Variants in SNRPN observed in about 807,000 individuals in gnomAD.
The protein encoded by SNRPN is small nuclear ribonucleoprotein-associated protein N.
In SNRPN, 7 loss-of-function variants were observed where a neutral mutation model predicts 25.2. That is an observed-to-expected ratio of 0.28 (90% confidence interval 0.16 to 0.52). The LOEUF is 0.52. Ranked by LOEUF, SNRPN falls within the 20% of genes least tolerant of loss-of-function variation. SNRPN has a pLI of 0.96. For missense variants in SNRPN, 196 were observed against 322.5 expected (o/e 0.61, Z 3.00); for synonymous variants, 124 against 110.6 (o/e 1.12, Z -0.76).
intron 2 of SNRPN, among the ~76,000 whole-genome samples, chr15:24,899,515 T>C (rs1314366345): frequency 2.6e-5 from 4 of 152,232 alleles, no homozygotes; most frequent in Non-Finnish European, 5.9e-5. Flanking sequence ...ATAGCATGCA[T>C]GCCTTTCTCC....
chr15:24,895,626 T>C (rs2058040197), intron 2 of SNRPN, among the ~76,000 whole-genome samples: 1 of 152,132 alleles, frequency 6.6e-6, no homozygotes, highest in Admixed American at 6.6e-5. Context: ...CATATCTGGC[T>C]CATGAGATAA....
intron 2 of SNRPN, chr15:24,909,283 G>C (rs1736437999): frequency 6.2e-7 from 1 of 1,601,326 alleles, no homozygotes; most frequent in Non-Finnish European, 8.5e-7. Flanking sequence ...CATAACCAGG[G>C]AATTGTTTGG....
At chr15:24,860,539 A>ACAAGT (rs1288668847) in intron 1 of SNRPN, among the ~76,000 whole-genome samples, 1 of 152,328 alleles carries the variant, frequency 6.6e-6, no homozygotes, top group East Asian at 1.9e-4. Flanking sequence ...TAAACCCATC[A>ACAAGT]CAAGTTAAAA....
intron 3 of SNRPN, among the ~76,000 whole-genome samples, chr15:24,972,996 T>C (rs1021998820): frequency 6.6e-6 from 1 of 152,164 alleles, no homozygotes; most frequent in Admixed American, 6.5e-5. Flanking sequence ...CAAGCGATTC[T>C]CCTGCCTCAG....
In SNRPN at chr15:24,962,229, G is replaced by A; in HGVS notation, c.-295+20G>A. 1 of 1,595,832 alleles carries A rather than the reference G, an allele frequency of 6.3e-7. No individual in the cohort carries two copies. The highest frequency in any genetic ancestry group is 8.6e-7 in the Non-Finnish European group (1 of 1,163,518). ...CCAAGAGTGAGTACAGACTGTGTTG[G>A]GAACAAATGCAAGTCAGAATCTCCT... On this transcript the variant is annotated intron_variant, in intron 2 of 9. Coordinates refer to ENST00000390687, the MANE Select transcript of SNRPN (RefSeq NM_003097.6).
chr15:24,848,559 T>G (rs2052485437), intron 2 of SNRPN: 1 of 152,206 alleles, frequency 6.6e-6, no homozygotes, highest in South Asian at 2.1e-4. Context: ...CTTTTTATAG[T>G]TATATAAACA....
chr15:24,934,700 C>T (rs773619350), intron 3 of SNRPN, among the ~76,000 whole-genome samples: 2 of 152,258 alleles, frequency 1.3e-5, no homozygotes, highest in South Asian at 2.1e-4. Context: ...GAAGCAGAGG[C>T]GTGTGCCTCC....
rs148329865 is a variant in SNRPN, at chr15:24,914,414, G to T, written c.-504-5597G>T. Among the ~76,000 whole-genome samples the T allele has an allele frequency of 3.7e-3, 568 of 152,192 alleles. 2 individuals carry two copies. The highest frequency in any genetic ancestry group is 0.013 in the African/African-American group (546 of 41,518). On this transcript the variant is annotated intron_variant, in intron 2 of 11. Transcript: ENST00000400097. ...ATACTCTGAATTCTTAAGAATCAAG[G>T]CCAGGTGTGGTGGCTTATGCCTGTA...
Position 24,863,823 on chromosome 15 carries a change from T to A in SNRPN, c.-579+7107T>A, listed in dbSNP as rs964725559. ...GACACATCTGCGTTCTGGAAACTAT[T>A]AAACTCTCAATACTCATTTGAAAAT... On this transcript the variant is annotated intron_variant, in intron 1 of 11. Transcript: ENST00000400097. Among the ~76,000 whole-genome samples, 18 of 150,720 alleles carry A rather than the reference T, an allele frequency of 1.2e-4. No individual in the cohort carries two copies. The East Asian group carries it at 2.5e-3, about 21-fold the overall frequency.
rs1481378884 is a variant in SNRPN, at chr15:24,847,600, C to T, written c.-579+17695C>T. ...GTTGTAGTGAGCCGAGATCGCGCCA[C>T]TGCACTCCAGCCTGGGTGATAGAGT... On this transcript the variant is annotated intron_variant, in intron 2 of 12. Coordinates refer to the SNRPN transcript ENST00000400100. Among the ~76,000 whole-genome samples the T allele has an allele frequency of 3.3e-5, 5 of 152,298 alleles. No homozygotes were observed. In the East Asian group the frequency reaches 9.7e-4, roughly 29 times the overall value.
intron 2 of SNRPN, among the ~76,000 whole-genome samples, chr15:24,919,540 G>A (rs1208797366): frequency 6.6e-6 from 1 of 152,220 alleles, no homozygotes; most frequent in East Asian, 1.9e-4. Context: ...TCCAAACAGC[G>A]TAGGCAAGCG....
At chr15:24,878,173 T>C (rs985199643) in intron 1 of SNRPN, among the ~76,000 whole-genome samples, 3 of 152,250 alleles carry the variant, frequency 2.0e-5, no homozygotes, top group Non-Finnish European at 4.4e-5. Flanking sequence ...TGTTAAGTTA[T>C]TCTTTAAAAC....
intron 1 of SNRPN, chr15:24,958,732 T>G (rs1200380961): frequency 6.5e-6 from 1 of 153,600 alleles, no homozygotes; most frequent in African/African-American, 2.4e-5. Context: ...ATTTTTTTGT[T>G]TTTAGGAGAC....
rs768904469 is a variant in SNRPN, at chr15:24,978,210, C to G, written c.577C>G (p.Pro193Ala). The G allele has an allele frequency of 1.2e-6, 2 of 1,613,974 alleles. No homozygotes were observed. The highest frequency in any genetic ancestry group is 2.2e-5 in the South Asian group (2 of 91,074). Residue 193 changes from proline (P) to alanine (A), a missense_variant, in exon 9 of 10, where the codon CCT becomes GCT. Physicochemically the swap from Pro to Ala is conservative, Grantham distance 27. Transcript: ENST00000390687. ...TPPPGIMAPP[P>A]GMRPPMGPPI... ...CACTGTAGGCATTATGGCTCCTCCA[C>G]CTGGTATGAGACCACCCATGGGCCC... is the stretch of plus-strand genomic sequence containing the variant.
chr15:24,941,595 C>T (rs2061560133), intron 3 of SNRPN, among the ~76,000 whole-genome samples: 1 of 152,100 alleles, frequency 6.6e-6, no homozygotes, highest in African/African-American at 2.4e-5. Context: ...TCCTGAAATA[C>T]CCTAAGGGAT....
rs1566921436 is a variant in SNRPN, at chr15:24,927,475, A to ATTTTTTTTTTTTTTTTTTTTTTTTTTTT, written c.-391+7351_-391+7352insTTTTTTTTTTTTTTTTTTTTTTTTTTTT. The stretch of plus-strand genomic sequence containing the variant: ...TTTCCCACTGCTTATAAAGTTTTTA[A>ATTTTTTTTTTTTTTTTTTTTTTTTTTTT]ATTTTTTTTTTTTTTTTTTTTTTTT... On this transcript the variant is annotated intron_variant, in intron 3 of 11. Transcript: ENST00000400097. Among the ~76,000 whole-genome samples the ATTTTTTTTTTTTTTTTTTTTTTTTTTTT allele has an allele frequency of 2.6e-5, 3 of 113,332 alleles. 1 individual carries two copies. Among genetic ancestry groups the ATTTTTTTTTTTTTTTTTTTTTTTTTTTT allele is most frequent in the Non-Finnish European group, 5.3e-5 (3 of 56,926 alleles). The allele number at this position is 113,332 out of a possible 152,430, so 74.4% of individuals were successfully genotyped here.
chr15:24,935,254 A>G (rs553346290), intron 3 of SNRPN, among the ~76,000 whole-genome samples: 87 of 151,554 alleles, frequency 5.7e-4, no homozygotes, highest in African/African-American at 2.1e-3. Context: ...CATGGGCAAC[A>G]GAGCGAGACT....
In SNRPN at chr15:24,978,305, A is replaced by G. The variant is rs2153722090; in HGVS notation, c.672A>G (p.Pro224=). The change falls in exon 9 of 10, where the codon CCA becomes CCG. Residue 224 remains proline, a synonymous_variant. Coordinates refer to ENST00000390687, the MANE Select transcript of SNRPN (RefSeq NM_003097.6). ...GMPPPGMRPP[P]PGIRGPPPPG... is the part of the protein sequence containing the mutation. Reference sequence around the variant, plus strand: ...CGCCTCCGGGAATGAGACCCCCTCCACCAGGCATTAGAGGTGAGTGGGAGC... The same window carrying G: ...CGCCTCCGGGAATGAGACCCCCTCCGCCAGGCATTAGAGGTGAGTGGGAGC... 3 of 1,614,130 alleles carry G rather than the reference A, an allele frequency of 1.9e-6. No individual in the cohort carries two copies. The East Asian group carries it at 6.7e-5, about 36-fold the overall frequency.
chr15:24,947,362 G>A (rs866790379), intron 3 of SNRPN, among the ~76,000 whole-genome samples: 18 of 152,302 alleles, frequency 1.2e-4, no homozygotes, highest in African/African-American at 4.3e-4. Context: ...TGGGTGCGGT[G>A]GCTCACGCCT....
Sources: gnomAD v4.1 joint callset for allele counts (sites outside exome capture counted in the v4.1 genomes callset) on GRCh38, gnomAD v4.1.1 for gene constraint, MANE v1.5 for transcripts, NCBI Gene and HGNC (gene_info 2026-07-23, HGNC 2026-07-21) for gene names.